Variants in KLRG1 observed in about 807,000 individuals in gnomAD.
KLRG1 encodes the protein killer cell lectin-like receptor subfamily G member 1.
Under a neutral mutation model 21.8 loss-of-function variants are expected in KLRG1, and 16 were observed. The observed-to-expected ratio is 0.73, with a 90% CI of 0.50 to 1.11. The LOEUF (loss-of-function observed/expected upper bound fraction) is 1.11. KLRG1 is among the 50% of genes most tolerant of loss of function. The pLI is 0.00. For synonymous variants in KLRG1, 69 were observed against 75.9 expected (o/e 0.91, Z 0.47); for missense variants, 173 against 218.3 (o/e 0.79, Z 1.31).
chr12:8,965,775 T>C (rs372838046), intron 1 of KLRG1, among the ~76,000 whole-genome samples: 2 of 152,222 alleles, frequency 1.3e-5, no homozygotes, highest in Non-Finnish European at 2.9e-5. Context: ...AGGTAATTTA[T>C]AGATTCAATG....
chr12:9,184,231 G>A, the KLRG1 span, among the ~76,000 whole-genome samples: 1 of 152,110 alleles, frequency 6.6e-6, no homozygotes, highest in Non-Finnish European at 1.5e-5. Context: ...CAGAGCATTG[G>A]CAGGCACTAA....
the KLRG1 span, chr12:9,068,943 T>A: frequency 6.6e-6 from 5 of 759,904 alleles, no homozygotes; most frequent in Non-Finnish European, 1.1e-5. Flanking sequence ...AGCTTTATTA[T>A]CCTACAGCAC....
At chr12:8,967,900 A>G (rs141930696) in intron 1 of KLRG1, among the ~76,000 whole-genome samples, 11 of 152,130 alleles carry the variant, frequency 7.2e-5, no homozygotes, top group Non-Finnish European at 1.3e-4. Flanking sequence ...AAGATGTGCA[A>G]TGGAGAACCT....
At chr12:9,113,586 A>G in the KLRG1 span, 118 of 1,577,150 alleles carry the variant, frequency 7.5e-5, no homozygotes, top group Admixed American at 1.0e-4. Context: ...GAAGGAAGAG[A>G]GGCATTGCTA....
the KLRG1 span, among the ~76,000 whole-genome samples, chr12:9,197,683 A>G: frequency 7.2e-5 from 7 of 96,732 alleles, 1 homozygote; most frequent in Non-Finnish European, 1.3e-4. Flanking sequence ...ATTATACAAT[A>G]CATAATATAT....
the KLRG1 span, chr12:9,160,275 A>T: frequency 3.2e-6 from 5 of 1,555,096 alleles, no homozygotes; most frequent in Non-Finnish European, 4.4e-6. Context: ...GAAAAGTTTC[A>T]TTAGAGTAAC....
the KLRG1 span, chr12:9,101,689 A>C: frequency 6.4e-7 from 1 of 1,557,456 alleles, no homozygotes; most frequent in Non-Finnish European, 8.8e-7. Context: ...TGAATTAGAA[A>C]AATTATATTA....
chr12:9,057,615 C>G, the KLRG1 span: 1 of 152,518 alleles, frequency 6.6e-6, no homozygotes, highest in Non-Finnish European at 1.5e-5. Context: ...TTCTGTTTTG[C>G]TCACCTGTCT....
chr12:9,043,950 G>T, the KLRG1 span, among the ~76,000 whole-genome samples: 2 of 152,242 alleles, frequency 1.3e-5, no homozygotes, highest in African/African-American at 2.4e-5. Flanking sequence ...CAGAATCCCA[G>T]TGGAGTCTCC....
At chr12:8,954,907 G>T (rs777969861) in intron 1 of KLRG1, among the ~76,000 whole-genome samples, 1 of 152,068 alleles carries the variant, frequency 6.6e-6, no homozygotes, top group South Asian at 2.1e-4. Flanking sequence ...GTCATGAAAT[G>T]TACAACTCTT....
At chr12:9,035,438 G>A in the KLRG1 span, among the ~76,000 whole-genome samples, 1 of 151,764 alleles carries the variant, frequency 6.6e-6, no homozygotes, top group Non-Finnish European at 1.5e-5. Context: ...CACACACCAG[G>A]GCCTGTCAGG....
the KLRG1 span, among the ~76,000 whole-genome samples, chr12:9,211,262 A>G: frequency 6.6e-6 from 1 of 152,020 alleles, no homozygotes; most frequent in Admixed American, 6.6e-5. Flanking sequence ...ATGGTATTCC[A>G]TAGGTCCCTT....
intron 3 of KLRG1, chr12:8,996,645 G>T (rs1947139957): frequency 6.6e-6 from 1 of 151,924 alleles, no homozygotes; most frequent in Non-Finnish European, 1.5e-5. Context: ...ATTCCACATA[G>T]AATCTAAACT....
the KLRG1 span, among the ~76,000 whole-genome samples, chr12:9,199,606 C>T: frequency 6.6e-6 from 1 of 151,976 alleles, no homozygotes; most frequent in African/African-American, 2.4e-5. Context: ...GCAGATTCTG[C>T]AAGCAAGACT....
the KLRG1 span, among the ~76,000 whole-genome samples, chr12:9,186,059 AC>A: frequency 6.6e-6 from 1 of 151,660 alleles, no homozygotes; most frequent in African/African-American, 2.4e-5. Context: ...GACCACCTTG[AC>A]CCCCCAAAGT....
At chr12:8,980,551 C>T (rs1592253852) in intron 1 of KLRG1, among the ~76,000 whole-genome samples, 1 of 152,282 alleles carries the variant, frequency 6.6e-6, no homozygotes, top group East Asian at 1.9e-4. Context: ...GGGTGAGGTG[C>T]ATGGTGCACT....
At chr12:8,955,337 G>GTCA (rs1946271746) in intron 1 of KLRG1, among the ~76,000 whole-genome samples, 1 of 140,900 alleles carries the variant, frequency 7.1e-6, no homozygotes, top group South Asian at 2.3e-4. Flanking sequence ...CTCCTATCCA[G>GTCA]TCATCTTCTC....
the KLRG1 span, among the ~76,000 whole-genome samples, chr12:9,136,137 A>T: frequency 1.3e-5 from 2 of 152,206 alleles, no homozygotes; most frequent in Non-Finnish European, 2.9e-5. Flanking sequence ...TTGACCTTGA[A>T]AGTAGCAAGT....
the KLRG1 span, chr12:9,182,223 G>A: frequency 9.2e-7 from 1 of 1,086,180 alleles, no homozygotes; most frequent in Non-Finnish European, 1.2e-6. Flanking sequence ...CTTGAGAACT[G>A]CGTCCATTCA....
Sources: gnomAD v4.1 joint callset for allele counts (sites outside exome capture counted in the v4.1 genomes callset) on GRCh38, gnomAD v4.1.1 for gene constraint, MANE v1.5 for transcripts, NCBI Gene and HGNC (gene_info 2026-07-23, HGNC 2026-07-21) for gene names.